Variants in NBEAL1 observed in about 807,000 individuals in gnomAD.
NBEAL1 encodes the protein neurobeachin like 1.
NBEAL1 carries 273 observed loss-of-function variants against 351.3 expected under a neutral mutation model. That is an observed-to-expected ratio of 0.78 (90% confidence interval 0.70 to 0.86). NBEAL1 has a LOEUF of 0.86. Ranked by LOEUF, NBEAL1 falls within the 40% of genes least tolerant of loss-of-function variation. NBEAL1 has a pLI of 0.00. For missense variants in NBEAL1, 2,961 were observed against 3,201.3 expected (o/e 0.92, Z 1.81); for synonymous variants, 1,050 against 1,086.4 (o/e 0.97, Z 0.66).
chr2:203,202,791 C>T lies in NBEAL1; in HGVS notation c.7506+10C>T, dbSNP rs1185419195. The T allele has an allele frequency of 1.4e-6, 2 of 1,457,468 alleles. No homozygotes were observed. Among genetic ancestry groups the T allele is most frequent in the Admixed American group, 1.7e-5 (1 of 58,618 alleles). The allele number at this position is 1,457,468 out of a possible 1,614,324, so 90.3% of individuals were successfully genotyped here. A position where few individuals can be genotyped will look rare whatever the true frequency, so the allele number is the denominator to read the frequency against. On this transcript the variant is annotated intron_variant, in intron 51 of 55. Coordinates refer to ENST00000683969, the MANE Select transcript of NBEAL1 (RefSeq NM_001378026.1). ...GCAAATAACACAACAGGTAGTCACACATTTAAATGTTCTTGAATTAGGTCA... is the reference window on the plus strand; with the variant it reads ...GCAAATAACACAACAGGTAGTCACATATTTAAATGTTCTTGAATTAGGTCA...
Position 203,138,659 on chromosome 2 carries a change from G to A in NBEAL1, c.4759G>A (p.Val1587Ile). 1.2e-6 allele frequency: 2 copies of A among 1,612,664 alleles called. No individual in the cohort carries two copies. Among genetic ancestry groups the A allele is most frequent in the South Asian group, 1.1e-5 (1 of 90,674 alleles). The change falls in exon 31 of 56, where the codon GTC becomes ATC. Residue 1587 changes from valine to isoleucine, a missense_variant. Physicochemically the swap from Val to Ile is conservative, Grantham distance 29. Transcript: ENST00000683969. ...GATGCTGCTCTTTGACTGTCTGTCA[G>A]TCTGCTATTCTGAAAGTCCAGTATG... ...DMMLLFDCLS[V>I]CYSESPVWVK...
chr2:203,199,239 C>T, intron 48 of NBEAL1, 99 bp from the exon 49 acceptor site: 1 of 672,838 alleles, frequency 1.5e-6, no homozygotes. Flanking sequence ...CACAGTGTTC[C>T]CTAAGTGATA....
At chr2:203,163,728 C>A (rs2064040498) in intron 36 of NBEAL1, among the ~76,000 whole-genome samples, 1 of 152,114 alleles carries the variant, frequency 6.6e-6, no homozygotes, top group African/African-American at 2.4e-5. Flanking sequence ...ATCAGTAGTT[C>A]ATTATTTTTT....
chr2:203,067,006 G>A (rs1247760751), intron 6 of NBEAL1, among the ~76,000 whole-genome samples: 3 of 144,336 alleles, frequency 2.1e-5, no homozygotes, highest in South Asian at 2.2e-4. Context: ...CCTCCCAGAC[G>A]GGGCGGCCGG....
At chr2:203,190,191 C>T (rs1051922238) in intron 45 of NBEAL1, 101 bp from the exon 46 acceptor site, 6 of 412,158 alleles carry the variant, frequency 1.5e-5, no homozygotes, top group African/African-American at 1.0e-4. Flanking sequence ...CACACACACA[C>T]ACACACACAC....
chr2:203,047,888 A>G (rs2061255185), intron 3 of NBEAL1, among the ~76,000 whole-genome samples: 1 of 151,854 alleles, frequency 6.6e-6, no homozygotes, highest in Non-Finnish European at 1.5e-5. Flanking sequence ...GACCACAGAC[A>G]TATACCACTA....
intron 17 of NBEAL1, among the ~76,000 whole-genome samples, chr2:203,113,571 C>CTAGGG (rs2062621267): frequency 6.6e-6 from 1 of 152,000 alleles, no homozygotes; most frequent in Non-Finnish European, 1.5e-5. Flanking sequence ...CATAATACTG[C>CTAGGG]CTGTATTTGT....
intron 24 of NBEAL1, among the ~76,000 whole-genome samples, chr2:203,128,262 CTTTT>C (rs11355179): frequency 6.3e-5 from 6 of 94,906 alleles, no homozygotes; most frequent in Non-Finnish European, 9.8e-5. Flanking sequence ...AATTTTTTGC[CTTTT>C]TTTTTTTTTT....
chr2:203,195,123 G>A (rs1475453479), intron 47 of NBEAL1, among the ~76,000 whole-genome samples: 1 of 151,656 alleles, frequency 6.6e-6, no homozygotes, highest in African/African-American at 2.4e-5. Context: ...GCATCCAGGA[G>A]GCAGAGCTTG....
intron 2 of NBEAL1, among the ~76,000 whole-genome samples, chr2:203,029,430 A>G (rs1415481072): frequency 1.3e-5 from 2 of 152,246 alleles, no homozygotes; most frequent in Non-Finnish European, 2.9e-5. Flanking sequence ...TCTACAGTAT[A>G]TTGTTCAGAC....
rs1461173058 is a variant in NBEAL1, at chr2:203,174,729, A to G, written c.6324-418A>G. Among the ~76,000 whole-genome samples the G allele has an allele frequency of 2.6e-5, 4 of 152,096 alleles. No individual in the cohort carries two copies. In the East Asian group the frequency reaches 7.7e-4, roughly 29 times the overall value. On this transcript the variant is annotated intron_variant, in intron 41 of 55. Coordinates refer to ENST00000683969, the MANE Select transcript of NBEAL1 (RefSeq NM_001378026.1). ...AACATGGTGAAACCCTGTCTCTACT[A>G]AAAATAGAAAAATTAGCTGGGCGTG...
At chr2:203,017,941 A>C (rs1045221789) in intron 2 of NBEAL1, among the ~76,000 whole-genome samples, 3 of 152,118 alleles carry the variant, frequency 2.0e-5, no homozygotes, top group Admixed American at 6.5e-5. Context: ...TCTCATTTTT[A>C]GGTTTAATAT....
Position 203,063,286 on chromosome 2 carries a change from GA to G in NBEAL1, c.516-5095del, listed in dbSNP as rs1014461622. 2.4e-3 allele frequency among the ~76,000 whole-genome samples: 346 copies of G among 144,786 alleles called. 1 individual carries two copies. The highest frequency in any genetic ancestry group is 7.3e-3 in the African/African-American group (292 of 39,842). 95.0% of individuals were successfully genotyped at this position (144,786 alleles called of 152,430 possible). On this transcript the variant is annotated intron_variant, in intron 6 of 55. Coordinates refer to ENST00000683969, the MANE Select transcript of NBEAL1 (RefSeq NM_001378026.1). Reference sequence around the variant, plus strand: ...GGCCAGGAGTGTAAGACCCCATCTAGAAAAAAAAAAAATTGGCCAGGTGTGG... The same window carrying G: ...GGCCAGGAGTGTAAGACCCCATCTAGAAAAAAAAAAATTGGCCAGGTGTGG...
At chr2:203,187,608 G>T (rs575076875) in intron 44 of NBEAL1, among the ~76,000 whole-genome samples, 2 of 151,712 alleles carry the variant, frequency 1.3e-5, no homozygotes, top group South Asian at 4.2e-4. Flanking sequence ...GGGCGTGGTG[G>T]CAGGCGCCTG....
At chr2:203,110,093 T>C in intron 14 of NBEAL1, 57 bp from the exon 15 acceptor site, 2 of 1,463,700 alleles carry the variant, frequency 1.4e-6, no homozygotes, top group Non-Finnish European at 1.8e-6. Flanking sequence ...TGTACTTTAA[T>C]GATGATGAAA....
At chr2:203,127,708 C>A in intron 23 of NBEAL1, 73 bp from the exon 24 acceptor site, 5 of 964,194 alleles carry the variant, frequency 5.2e-6, no homozygotes, top group Non-Finnish European at 6.1e-6. Context: ...GGCAACAGAG[C>A]GAGACTCCAT....
intron 10 of NBEAL1, chr2:203,085,461 T>C (rs1463320558): frequency 6.6e-6 from 1 of 152,356 alleles, no homozygotes; most frequent in Admixed American, 6.5e-5. Flanking sequence ...CAGACACTTT[T>C]CTTTTGAGGT....
intron 6 of NBEAL1, among the ~76,000 whole-genome samples, chr2:203,064,108 C>T (rs2061543183): frequency 1.3e-5 from 2 of 152,054 alleles, no homozygotes; most frequent in South Asian, 4.1e-4. Flanking sequence ...GGCTGGAGTA[C>T]AGTACCGTGA....
chr2:203,063,347 C>T (rs2106111687), intron 6 of NBEAL1, among the ~76,000 whole-genome samples: 1 of 150,314 alleles, frequency 6.7e-6, no homozygotes, highest in African/African-American at 2.4e-5. Context: ...ACTTGGGAGG[C>T]TGAGGTGAGA....
Sources: allele counts gnomAD v4.1 joint callset (sites outside exome capture counted in the v4.1 genomes callset), GRCh38; gene constraint gnomAD v4.1.1; transcripts MANE v1.5; gene names NCBI Gene and HGNC (gene_info 2026-07-23, HGNC 2026-07-21).